The following WDFY1 variants were observed in gnomAD, a reference collection of about 807,000 sequenced individuals.
The protein encoded by WDFY1 is WD repeat and FYVE domain containing 1.
In WDFY1, 32 loss-of-function variants were observed where a neutral mutation model predicts 56.4. The ratio of observed to expected loss-of-function variants is 0.57; its 90% CI spans 0.43 to 0.76. The LOEUF (loss-of-function observed/expected upper bound fraction) is 0.76, where lower values mean the gene tolerates loss of function less well. Ranked by LOEUF, WDFY1 falls within the 30% of genes least tolerant of loss-of-function variation. The pLI, the probability that WDFY1 is intolerant of heterozygous loss-of-function variation, is 0.00. For missense variants in WDFY1, 480 were observed against 545.7 expected (o/e 0.88, Z 1.20); for synonymous variants, 192 against 197.3 (o/e 0.97, Z 0.23).
chr2:223,943,715 T>C lies in WDFY1; in HGVS notation c.137+1433A>G, dbSNP rs190211591. On this transcript the variant is annotated intron_variant, in intron 1 of 11. Transcript: ENST00000233055. ...ACTGACATTGTAAACCTTTAGGATT[T>C]GAAAGACGCTAAAGTTTAAAGTCGA... 7.3e-3 allele frequency among the ~76,000 whole-genome samples: 1,117 copies of C among 152,340 alleles called. 47 individuals carry two copies. Among genetic ancestry groups the C allele is most frequent in the Admixed American group, 0.067 (1,032 of 15,294 alleles).
rs188239554 is a variant in WDFY1 at position 223,878,468 on chromosome 2, T to C, written c.*203A>G. The C allele has an allele frequency of 5.9e-4, 313 of 528,816 alleles. 2 individuals carry two copies. The highest frequency in any genetic ancestry group is 4.9e-3 in the African/African-American group (254 of 51,572). The allele number at this position is 528,816 out of a possible 1,614,324, so 32.8% of individuals were successfully genotyped here. A position where few individuals can be genotyped will look rare whatever the true frequency, so the allele number is the denominator to read the frequency against. On this transcript the variant is annotated 3_prime_UTR_variant, in exon 12 of 12. Transcript: ENST00000233055. ...AATTCCAGTCTTCAGGGAACCACTA[T>C]GGACAGACCTTTTCCATATTAGTCC... is the stretch of plus-strand genomic sequence containing the variant.
chr2:223,903,814 T>C (rs1693551224), intron 4 of WDFY1, among the ~76,000 whole-genome samples: 1 of 152,108 alleles, frequency 6.6e-6, no homozygotes, highest in Non-Finnish European at 1.5e-5. Context: ...CATGGCTGGC[T>C]ACATTTTTAT....
chr2:223,899,339 A>C, intron 5 of WDFY1: 1 of 341,116 alleles, frequency 2.9e-6, no homozygotes, highest in Non-Finnish European at 5.4e-6. Context: ...AGTGCCTGTT[A>C]CTATATCAAG....
chr2:223,909,887 C>T (rs1020070931), intron 3 of WDFY1, among the ~76,000 whole-genome samples: 9 of 152,254 alleles, frequency 5.9e-5, no homozygotes, highest in East Asian at 5.8e-4. Flanking sequence ...GGGTGATCTT[C>T]GAAAAATGTA....
intron 7 of WDFY1, 108 bp from the exon 8 acceptor site, chr2:223,894,447 T>A: frequency 3.9e-6 from 4 of 1,035,950 alleles, no homozygotes; most frequent in Non-Finnish European, 5.9e-6. Context: ...AAGTGGTATT[T>A]TACCACTGAC....
intron 3 of WDFY1, among the ~76,000 whole-genome samples, chr2:223,911,569 CACACACACACACACACA>C (rs1693701853): frequency 5.4e-5 from 1 of 18,364 alleles, no homozygotes; most frequent in Non-Finnish European, 1.1e-4. Context: ...TGAATGACCA[CACACACACACACACACA>C]CACACACACA....
chr2:223,918,061 T>C lies in WDFY1; in HGVS notation c.138-51A>G, dbSNP rs370178512. ...AGAGTAGGTTTTAGTAATTTTATCT[T>C]TTGTGTTCCATGAGAACTTAATTTT... On this transcript the variant is annotated intron_variant, in intron 1 of 11. Coordinates refer to ENST00000233055, the MANE Select transcript of WDFY1 (RefSeq NM_020830.5). 4.0e-5 allele frequency: 64 copies of C among 1,586,438 alleles called. No individual in the cohort carries two copies. In the African/African-American group the frequency reaches 7.2e-4, roughly 18 times the overall value.
At chr2:223,912,134 G>T in intron 3 of WDFY1, 119 bp downstream of exon 3, 1 of 1,071,790 alleles carries the variant, frequency 9.3e-7, no homozygotes, top group African/African-American at 1.7e-5. Flanking sequence ...CATTTTTCAT[G>T]CCAAACAATC....
chr2:223,884,860 T>TTCA (rs72048678), intron 8 of WDFY1, 111 bp from the exon 9 acceptor site: 5 of 475,522 alleles, frequency 1.1e-5, no homozygotes, highest in Non-Finnish European at 1.4e-5. Context: ...TCTTTTCTTC[T>TTCA]TTTTTTTTTT....
At chr2:223,884,853 T>TATA in intron 8 of WDFY1, 104 bp from the exon 9 acceptor site, 1 of 600,580 alleles carries the variant, frequency 1.7e-6, no homozygotes, top group Non-Finnish European at 2.4e-6. Context: ...TAGTATTTCT[T>TATA]TTCTTCTTTT....
intron 1 of WDFY1, among the ~76,000 whole-genome samples, chr2:223,924,235 C>A (rs943991692): frequency 5.3e-5 from 8 of 152,204 alleles, no homozygotes; most frequent in Non-Finnish European, 1.2e-4. Flanking sequence ...CCATCTATCT[C>A]CTCTGCACTT....
intron 9 of WDFY1, 144 bp downstream of exon 9, chr2:223,884,504 A>T: frequency 1.3e-6 from 1 of 750,034 alleles, no homozygotes; most frequent in Non-Finnish European, 2.3e-6. Flanking sequence ...CCTCATTGTT[A>T]GTCACACAAT....
chr2:223,931,163 G>A (rs1403832688), intron 1 of WDFY1, among the ~76,000 whole-genome samples: 10 of 152,160 alleles, frequency 6.6e-5, no homozygotes, highest in Admixed American at 1.3e-4. Context: ...TAGATAGTAC[G>A]AATAACTCCA....
intron 3 of WDFY1, among the ~76,000 whole-genome samples, chr2:223,911,615 C>CAA (rs1355076149): frequency 7.2e-4 from 92 of 128,170 alleles, no homozygotes; most frequent in African/African-American, 2.3e-3. Flanking sequence ...CACACACACA[C>CAA]AGAGTGACAG....
At chr2:223,904,093 C>T (rs1433394978) in intron 4 of WDFY1, among the ~76,000 whole-genome samples, 1 of 152,126 alleles carries the variant, frequency 6.6e-6, no homozygotes, top group Non-Finnish European at 1.5e-5. Context: ...GCTGAGAATT[C>T]AAAGTTGCTT....
chr2:223,899,516 G>A (rs1442271199), intron 5 of WDFY1, among the ~76,000 whole-genome samples: 1 of 152,126 alleles, frequency 6.6e-6, no homozygotes, highest in East Asian at 1.9e-4. Context: ...AGGCTGAGGC[G>A]GGCAGATCAC....
At chr2:223,882,211 T>C in intron 9 of WDFY1, 139 bp from the exon 10 acceptor site, 1 of 1,125,972 alleles carries the variant, frequency 8.9e-7, no homozygotes, top group Non-Finnish European at 1.2e-6. Context: ...GGCGCCCGGG[T>C]TCTACCAATT....
intron 8 of WDFY1, among the ~76,000 whole-genome samples, chr2:223,886,546 G>T (rs933900117): frequency 6.6e-5 from 10 of 151,854 alleles, no homozygotes; most frequent in Middle Eastern, 3.4e-3. Context: ...CCAATGTAGT[G>T]AAACCCCATC....
intron 6 of WDFY1, among the ~76,000 whole-genome samples, chr2:223,897,510 G>C (rs1450271312): frequency 6.6e-6 from 1 of 151,466 alleles, no homozygotes; most frequent in Non-Finnish European, 1.5e-5. Flanking sequence ...TCCCTGAGTA[G>C]CTGGGACTAC....
Sources: gnomAD v4.1 joint callset for allele counts (sites outside exome capture counted in the v4.1 genomes callset) on GRCh38, gnomAD v4.1.1 for gene constraint, MANE v1.5 for transcripts, NCBI Gene and HGNC (gene_info 2026-07-23, HGNC 2026-07-21) for gene names.